Variants in SHC4 observed in about 807,000 individuals in gnomAD.
SHC4 encodes SHC adaptor protein 4, also known as SHC-transforming protein 4.
A neutral mutation model predicts 69.4 loss-of-function variants in SHC4; 41 were observed. The observed-to-expected ratio is 0.59, with a 90% confidence interval of 0.46 to 0.77. The LOEUF (loss-of-function observed/expected upper bound fraction) is 0.77. Ranked by LOEUF, SHC4 falls within the 30% of genes least tolerant of loss-of-function variation. The pLI is 0.00. For synonymous variants in SHC4, 318 were observed against 299.3 expected, an observed-to-expected ratio of 1.06 and a Z score of -0.64; for missense variants, 777 against 783.8, an observed-to-expected ratio of 0.99 and a Z score of 0.10.
At chr15:48,871,990 T>C (rs993669242) in intron 5 of SHC4, 99 bp downstream of exon 5, 101 of 731,044 alleles carry the variant, frequency 1.4e-4, no homozygotes, top group Admixed American at 1.1e-4. Context: ...GTGGCTAATA[T>C]GGTTTATGTA....
chr15:48,939,382 A>G (rs1183983399), intron 1 of SHC4, among the ~76,000 whole-genome samples: 1 of 152,238 alleles, frequency 6.6e-6, no homozygotes, highest in African/African-American at 2.4e-5. Flanking sequence ...GACAATGGGC[A>G]CAGCATGTGC....
At chr15:48,949,187 C>T (rs572810263) in intron 1 of SHC4, among the ~76,000 whole-genome samples, 19 of 151,478 alleles carry the variant, frequency 1.3e-4, no homozygotes, top group African/African-American at 2.9e-4. Context: ...CTGGCTAACA[C>T]GGTGAAACTC....
intron 4 of SHC4, among the ~76,000 whole-genome samples, chr15:48,880,889 G>A (rs947691696): frequency 4.6e-5 from 7 of 151,962 alleles, no homozygotes; most frequent in African/African-American, 1.7e-4. Flanking sequence ...CTCAGTAACT[G>A]GGAAATTAAT....
chr15:48,953,203 G>A (rs1901393225), intron 1 of SHC4, among the ~76,000 whole-genome samples: 1 of 152,120 alleles, frequency 6.6e-6, no homozygotes, highest in African/African-American at 2.4e-5. Context: ...ACTTAAAAGT[G>A]GGAACTAAAT....
At chr15:48,907,078 C>T (rs1400825593) in intron 2 of SHC4, among the ~76,000 whole-genome samples, 1 of 152,032 alleles carries the variant, frequency 6.6e-6, no homozygotes, top group East Asian at 1.9e-4. Flanking sequence ...GTTTATTTTA[C>T]TTACCAATTT....
intron 2 of SHC4, among the ~76,000 whole-genome samples, chr15:48,902,989 C>G (rs1900343567): frequency 6.6e-6 from 1 of 152,174 alleles, no homozygotes; most frequent in African/African-American, 2.4e-5. Flanking sequence ...CTTTCAAGAA[C>G]CTATTTTGTC....
chr15:48,877,980 A>C (rs1899847115), intron 4 of SHC4: 1 of 565,384 alleles, frequency 1.8e-6, no homozygotes, highest in Non-Finnish European at 2.9e-6. Context: ...GTAGCTCAAA[A>C]GGCGACGCCA....
At chr15:48,865,850 C>G (rs1200529599) in intron 6 of SHC4, among the ~76,000 whole-genome samples, 3 of 152,164 alleles carry the variant, frequency 2.0e-5, no homozygotes, top group Non-Finnish European at 4.4e-5. Flanking sequence ...GACTCAGGCA[C>G]CAGAACAGGG....
intron 2 of SHC4, among the ~76,000 whole-genome samples, chr15:48,893,256 G>C (rs545883685): frequency 3.3e-5 from 5 of 152,290 alleles, no homozygotes; most frequent in African/African-American, 9.6e-5. Flanking sequence ...AAAACACAAA[G>C]TATCATGATA....
At chr15:48,956,860 T>C (rs181156803) in intron 1 of SHC4, among the ~76,000 whole-genome samples, 3 of 152,206 alleles carry the variant, frequency 2.0e-5, no homozygotes, top group Non-Finnish European at 2.9e-5. Context: ...GAGATCCTAA[T>C]AATAAGGGGT....
intron 10 of SHC4, among the ~76,000 whole-genome samples, chr15:48,837,253 G>C (rs920439648): frequency 2.0e-5 from 3 of 152,146 alleles, no homozygotes; most frequent in African/African-American, 7.2e-5. Flanking sequence ...TTCCCTAACA[G>C]TTTCCCAAAT....
intron 1 of SHC4, among the ~76,000 whole-genome samples, chr15:48,939,817 A>G (rs1275266238): frequency 6.6e-6 from 1 of 152,244 alleles, no homozygotes; most frequent in Non-Finnish European, 1.5e-5. Flanking sequence ...GCAGTGACTC[A>G]CAGAAGTTAA....
chr15:48,899,594 A>T (rs553156956), intron 2 of SHC4, among the ~76,000 whole-genome samples: 81 of 151,076 alleles, frequency 5.4e-4, no homozygotes, highest in African/African-American at 1.6e-3. Context: ...TTTTTTTTTT[A>T]AATAACTCTG....
intron 11 of SHC4, 127 bp from the exon 12 acceptor site, chr15:48,826,253 CTTT>C (rs34570376): frequency 5.4e-3 from 3,442 of 634,592 alleles, no homozygotes; most frequent in South Asian, 9.4e-3. Context: ...AGAAAAGGTA[CTTT>C]TTTTTTTTTT....
intron 1 of SHC4, among the ~76,000 whole-genome samples, chr15:48,954,091 A>C (rs1435685087): frequency 6.6e-6 from 1 of 152,186 alleles, no homozygotes; most frequent in Admixed American, 6.5e-5. Context: ...CCACTGGCTC[A>C]AGGTTTCTCA....
At chr15:48,869,007 T>C (rs1170387912) in intron 5 of SHC4, among the ~76,000 whole-genome samples, 1 of 152,200 alleles carries the variant, frequency 6.6e-6, no homozygotes, top group Admixed American at 6.5e-5. Flanking sequence ...GGTCCAATTA[T>C]GGGAAAGAGG....
intron 6 of SHC4, among the ~76,000 whole-genome samples, chr15:48,860,057 A>G (rs570149149): frequency 9.8e-5 from 15 of 152,296 alleles, no homozygotes; most frequent in South Asian, 2.1e-4. Flanking sequence ...AAAAAGAAAG[A>G]AAGGAAGAAA....
chr15:48,830,093 T>C (rs1898769423), intron 11 of SHC4, among the ~76,000 whole-genome samples: 1 of 152,254 alleles, frequency 6.6e-6, no homozygotes, highest in African/African-American at 2.4e-5. Context: ...GTTTTCTGTC[T>C]TAAAGCTTTT....
chr15:48,931,155 T>A (rs1900957672), intron 1 of SHC4, among the ~76,000 whole-genome samples: 2 of 152,230 alleles, frequency 1.3e-5, no homozygotes, highest in Non-Finnish European at 2.9e-5. Flanking sequence ...TTTGCTAGTT[T>A]CTTATTTTTT....
Sources: gnomAD v4.1 joint callset for allele counts (sites outside exome capture counted in the v4.1 genomes callset) on GRCh38, gnomAD v4.1.1 for gene constraint, MANE v1.5 for transcripts, NCBI Gene and HGNC (gene_info 2026-07-23, HGNC 2026-07-21) for gene names.